HPSE2: variants seen among roughly 807,000 people sequenced by gnomAD.
The protein encoded by HPSE2 is inactive heparanase-2.
In HPSE2, 38 loss-of-function variants were observed where a neutral mutation model predicts 60.5. The observed-to-expected ratio is 0.63, with a 90% CI of 0.48 to 0.82. HPSE2 has a LOEUF of 0.82. Ranked by LOEUF, HPSE2 falls within the 40% of genes least tolerant of loss-of-function variation. HPSE2 has a pLI of 0.00. For missense variants in HPSE2, 713 were observed against 740.4 expected (o/e 0.96, Z 0.43); for synonymous variants, 295 against 293.2 (o/e 1.01, Z -0.06).
chr10:98,520,481 A>G (rs1484259786), intron 9 of HPSE2, among the ~76,000 whole-genome samples: 1 of 152,136 alleles, frequency 6.6e-6, no homozygotes, highest in Non-Finnish European at 1.5e-5. Flanking sequence ...TATACTGTCT[A>G]TGCTTTCACA....
chr10:98,821,608 G>T (rs1324101885), intron 3 of HPSE2, among the ~76,000 whole-genome samples: 1 of 152,104 alleles, frequency 6.6e-6, no homozygotes, highest in Non-Finnish European at 1.5e-5. Context: ...TTATATTCTG[G>T]TGAAAATAAA....
chr10:98,462,536 A>G (rs1262884581), intron 11 of HPSE2, among the ~76,000 whole-genome samples: 4 of 152,210 alleles, frequency 2.6e-5, no homozygotes, highest in African/African-American at 7.2e-5. Context: ...GGTCCTTATC[A>G]TACCTGACTG....
At chr10:98,845,787 T>C (rs1003613710) in intron 3 of HPSE2, among the ~76,000 whole-genome samples, 3 of 152,236 alleles carry the variant, frequency 2.0e-5, no homozygotes, top group Admixed American at 1.3e-4. Context: ...AGGTGTGTCA[T>C]GGACTAAAAT....
chr10:99,160,680 A>G (rs897325747), intron 2 of HPSE2, among the ~76,000 whole-genome samples: 16 of 152,000 alleles, frequency 1.1e-4, no homozygotes, highest in African/African-American at 3.4e-4. Flanking sequence ...CGGGCGGATC[A>G]CGAGGTCAGG....
At chr10:99,002,866 C>T (rs1386785906) in intron 3 of HPSE2, among the ~76,000 whole-genome samples, 1 of 151,948 alleles carries the variant, frequency 6.6e-6, no homozygotes, top group Non-Finnish European at 1.5e-5. Flanking sequence ...ACATAGGTAT[C>T]ACCTCACATA....
At chr10:98,651,001 A>G (rs1946898769) in intron 6 of HPSE2, among the ~76,000 whole-genome samples, 1 of 152,136 alleles carries the variant, frequency 6.6e-6, no homozygotes, top group African/African-American at 2.4e-5. Flanking sequence ...CACACATCAA[A>G]CTGCTTTTCT....
At chr10:98,614,770 G>A (rs1945857777) in intron 9 of HPSE2, 134 bp downstream of exon 9, 2 of 725,814 alleles carry the variant, frequency 2.8e-6, no homozygotes, top group African/African-American at 3.5e-5. Flanking sequence ...ACAAAGACAG[G>A]AATGTTTCTG....
intron 6 of HPSE2, among the ~76,000 whole-genome samples, chr10:98,646,811 G>A (rs1946781902): frequency 6.6e-6 from 1 of 152,076 alleles, no homozygotes; most frequent in South Asian, 2.1e-4. Context: ...GCTCATTGTA[G>A]ACGAATTAGA....
intron 3 of HPSE2, among the ~76,000 whole-genome samples, chr10:98,981,377 A>C (rs1343816298): frequency 1.3e-5 from 2 of 152,112 alleles, no homozygotes; most frequent in Non-Finnish European, 1.5e-5. Flanking sequence ...ATGGCTTTGG[A>C]GTTTAACTCT....
intron 3 of HPSE2, among the ~76,000 whole-genome samples, chr10:98,943,499 A>C (rs572632754): frequency 6.6e-6 from 1 of 152,174 alleles, no homozygotes; most frequent in South Asian, 2.1e-4. Flanking sequence ...CTTCGTATTC[A>C]TAGCCCTGTG....
At chr10:98,474,042 T>C (rs964781513) in intron 11 of HPSE2, among the ~76,000 whole-genome samples, 11 of 152,224 alleles carry the variant, frequency 7.2e-5, no homozygotes, top group Admixed American at 3.9e-4. Context: ...CAAGTGAAGA[T>C]AATGGAAACC....
chr10:98,818,497 C>T (rs1951343612), intron 3 of HPSE2, among the ~76,000 whole-genome samples: 1 of 152,146 alleles, frequency 6.6e-6, no homozygotes, highest in African/African-American at 2.4e-5. Context: ...TGCTACTCAC[C>T]TCCTGCCATG....
chr10:99,212,177 T>G (rs1848974335), intron 2 of HPSE2, among the ~76,000 whole-genome samples: 1 of 152,040 alleles, frequency 6.6e-6, no homozygotes, highest in Admixed American at 6.6e-5. Context: ...CAAAAGATAA[T>G]AAGTGTTGGT....
At chr10:99,118,573 A>G (rs1447313453) in intron 3 of HPSE2, among the ~76,000 whole-genome samples, 3 of 151,582 alleles carry the variant, frequency 2.0e-5, no homozygotes, top group Non-Finnish European at 4.4e-5. Flanking sequence ...GCCATCTATG[A>G]CAAACCCACA....
At chr10:99,151,045 T>C (rs1846242030) in intron 2 of HPSE2, among the ~76,000 whole-genome samples, 1 of 151,634 alleles carries the variant, frequency 6.6e-6, no homozygotes, top group East Asian at 1.9e-4. Flanking sequence ...TATAAAGAAA[T>C]ATCAGTAACA....
intron 2 of HPSE2, among the ~76,000 whole-genome samples, chr10:99,201,304 A>G (rs1224296102): frequency 6.6e-6 from 1 of 151,992 alleles, no homozygotes; most frequent in Non-Finnish European, 1.5e-5. Flanking sequence ...CTGCTGCTTG[A>G]CTAATGTAAT....
At chr10:99,082,040 A>G (rs564411577) in intron 3 of HPSE2, among the ~76,000 whole-genome samples, 14 of 152,308 alleles carry the variant, frequency 9.2e-5, no homozygotes, top group African/African-American at 3.4e-4. Flanking sequence ...AAATTGTACC[A>G]CGGTTAATCC....
chr10:98,509,088 G>A (rs896819379), intron 9 of HPSE2, among the ~76,000 whole-genome samples: 4 of 152,102 alleles, frequency 2.6e-5, no homozygotes, highest in Admixed American at 1.3e-4. Flanking sequence ...GGCCGAGGCG[G>A]GTGCATCAAA....
chr10:99,273,271 G>C, the HPSE2 span, among the ~76,000 whole-genome samples: 3 of 152,158 alleles, frequency 2.0e-5, no homozygotes, highest in Non-Finnish European at 2.9e-5. Context: ...TCAGGGAAAA[G>C]AGTGAGGGGC....
Sources: allele counts gnomAD v4.1 joint callset (sites outside exome capture counted in the v4.1 genomes callset), GRCh38; gene constraint gnomAD v4.1.1; transcripts MANE v1.5; gene names NCBI Gene and HGNC (gene_info 2026-07-23, HGNC 2026-07-21).